Variants in NID2 observed in about 807,000 individuals in gnomAD.
NID2 encodes nidogen 2.
A neutral mutation model predicts 145.4 loss-of-function variants in NID2; 83 were observed. The ratio of observed to expected loss-of-function variants is 0.57; its 90% CI spans 0.48 to 0.69. The LOEUF (loss-of-function observed/expected upper bound fraction) is 0.69. Ranked by LOEUF, NID2 falls within the 30% of genes least tolerant of loss-of-function variation. NID2 has a pLI of 0.00. For missense variants in NID2, 1,807 were observed against 1,765.7 expected, an observed-to-expected ratio of 1.02 and a Z score of -0.42; for synonymous variants, 739 against 701.3, an observed-to-expected ratio of 1.05 and a Z score of -0.85.
Position 52,006,672 on chromosome 14 carries a change from A to T in NID2, c.3881-12T>A. 6.2e-7 allele frequency: 1 copy of T among 1,613,050 alleles called. No homozygotes were observed. On this transcript the variant is annotated splice_polypyrimidine_tract_variant and intron_variant, in intron 19 of 21. Transcript: ENST00000216286. ...CAGTTTTTTGGTTCCTTTTAAAACA[A>T]AGGGGGAAAATGAGGTCCTTCAGCT...
At chr14:52,030,585 A>ACGAACGGAAGGAAGG (rs1566755739) in intron 9 of NID2, among the ~76,000 whole-genome samples, 1 of 40,470 alleles carries the variant, frequency 2.5e-5, no homozygotes, top group Admixed American at 3.0e-4. Context: ...AGGGAAAGAA[A>ACGAACGGAAGGAAGG]GAAAGAAAGA....
intron 2 of NID2, among the ~76,000 whole-genome samples, chr14:52,062,645 T>C (rs1228824450): frequency 6.6e-6 from 1 of 152,088 alleles, no homozygotes; most frequent in Non-Finnish European, 1.5e-5. Flanking sequence ...AAATGTGAGA[T>C]AGGAGAGAAT....
chr14:52,015,998 G>A lies in NID2; in HGVS notation c.3029-723C>T, dbSNP rs77683038. Among the ~76,000 whole-genome samples, 527 of 152,306 alleles carry A rather than the reference G, an allele frequency of 3.5e-3. 7 individuals carry two copies. The East Asian group carries it at 0.042, about 12-fold the overall frequency. ...ACCCTGCGCCTGGGATTATCTCAAA[G>A]CTGAATCTTTTCCTGCAGGCTCTAG... On this transcript the variant is annotated intron_variant, in intron 14 of 21. Transcript: ENST00000216286.
chr14:52,038,269 G>T (rs935124237), intron 9 of NID2, among the ~76,000 whole-genome samples: 1 of 152,256 alleles, frequency 6.6e-6, no homozygotes, highest in East Asian at 1.9e-4. Flanking sequence ...TATGATGTTT[G>T]GTTTTTCCAG....
At chr14:52,008,491 C>A (rs968062923) in intron 18 of NID2, 1 of 152,554 alleles carries the variant, frequency 6.6e-6, no homozygotes. Flanking sequence ...TAAATGTTAT[C>A]TTACACTGCT....
At chr14:52,049,678 A>G (rs1265228109) in intron 5 of NID2, among the ~76,000 whole-genome samples, 1 of 146,002 alleles carries the variant, frequency 6.8e-6, no homozygotes, top group Non-Finnish European at 1.5e-5. Flanking sequence ...ACTTTATAAC[A>G]AACAGTGGAA....
At chr14:52,050,586 G>C (rs1892649180) in intron 5 of NID2, among the ~76,000 whole-genome samples, 1 of 151,822 alleles carries the variant, frequency 6.6e-6, no homozygotes, top group Admixed American at 6.6e-5. Flanking sequence ...TCTGTAAAAT[G>C]GGAAGGATGA....
chr14:52,007,875 T>G lies in NID2; in HGVS notation c.3815A>C (p.Asp1272Ala), dbSNP rs1890852583. The change falls in exon 19 of 22, where the codon GAC (aspartate) becomes GCC (alanine). Residue 1272 changes from aspartate to alanine, a missense_variant. Transcript: ENST00000216286. ...GENRRILINT[D>A]IGLPNGLTFD... Reference sequence around the variant, plus strand: ...GGTTAAGCCATTGGGCAATCCAATGTCTGTATTGATCAGAATTCTTCTGTT... The same window carrying G: ...GGTTAAGCCATTGGGCAATCCAATGGCTGTATTGATCAGAATTCTTCTGTT... The G allele has an allele frequency of 6.2e-7, 1 of 1,613,336 alleles. No individual in the cohort carries two copies.
At chr14:52,005,522 C>G in intron 21 of NID2, 26 bp from the exon 22 acceptor site, 1 of 1,594,858 alleles carries the variant, frequency 6.3e-7, no homozygotes, top group Non-Finnish European at 8.5e-7. Context: ...AGGGGTGGGA[C>G]AGGGTGGTGG....
intron 10 of NID2, 82 bp from the exon 11 acceptor site, chr14:52,028,932 A>G: frequency 7.1e-7 from 1 of 1,416,504 alleles, no homozygotes; most frequent in Non-Finnish European, 9.7e-7. Flanking sequence ...ATGTTTTCTC[A>G]CTAGTATGAT....
intron 1 of NID2, 59 bp from the exon 2 acceptor site, chr14:52,068,222 T>C: frequency 5.9e-6 from 9 of 1,515,706 alleles, no homozygotes; most frequent in Non-Finnish European, 8.2e-6. Flanking sequence ...CGCTACCCTT[T>C]CGCGCAGGGA....
Position 52,053,946 on chromosome 14 carries a change from A to C in NID2, c.1070-8T>G. On this transcript the variant is annotated splice_region_variant and splice_polypyrimidine_tract_variant and intron_variant, in intron 4 of 21. Coordinates refer to ENST00000216286, the MANE Select transcript of NID2 (RefSeq NM_007361.4). The stretch of plus-strand genomic sequence containing the variant: ...GATCCAAGGTGGAAGATTCTGTTTC[A>C]GGATAGAATGGCCAATAAGTAGGTG... 1 of 1,612,834 alleles carries C rather than the reference A, an allele frequency of 6.2e-7. No individual in the cohort carries two copies. The highest frequency in any genetic ancestry group is 1.1e-5 in the South Asian group (1 of 90,962).
intron 5 of NID2, among the ~76,000 whole-genome samples, chr14:52,049,417 G>T (rs1293800135): frequency 6.7e-6 from 1 of 149,408 alleles, no homozygotes; most frequent in Non-Finnish European, 1.5e-5. Flanking sequence ...CCCTTGGCCG[G>T]CCTGCCCTTC....
chr14:52,012,337 C>G (rs557965849), intron 16 of NID2, among the ~76,000 whole-genome samples: 1 of 152,206 alleles, frequency 6.6e-6, no homozygotes, highest in Non-Finnish European at 1.5e-5. Flanking sequence ...GGCACAGTGA[C>G]TCACGCCTGT....
At chr14:52,008,912 A>G (rs1890898743) in intron 18 of NID2, 1 of 152,244 alleles carries the variant, frequency 6.6e-6, no homozygotes, top group Admixed American at 6.5e-5. Flanking sequence ...CACGTTAAAA[A>G]TGAAATATAT....
intron 5 of NID2, among the ~76,000 whole-genome samples, chr14:52,051,837 C>T (rs748450733): frequency 1.3e-5 from 2 of 152,182 alleles, no homozygotes; most frequent in Non-Finnish European, 2.9e-5. Context: ...TAGTAGACTG[C>T]ATCCGGCAGC....
At chr14:52,010,619 A>G (rs1890976165) in intron 18 of NID2, 3 of 350,360 alleles carry the variant, frequency 8.6e-6, no homozygotes, top group East Asian at 4.8e-5. Context: ...TGAATTTTCT[A>G]CATATCACAT....
intron 5 of NID2, among the ~76,000 whole-genome samples, chr14:52,053,172 G>A (rs2140420660): frequency 6.6e-6 from 1 of 152,298 alleles, no homozygotes; most frequent in South Asian, 2.1e-4. Context: ...ATGTTCATCT[G>A]AGCCAGCACA....
chr14:52,006,188 ACTTAAGCCCT>A, intron 20 of NID2: 1 of 398,478 alleles, frequency 2.5e-6, no homozygotes, highest in South Asian at 2.8e-5. Context: ...TCAAAAGCCA[ACTTAAGCCCT>A]GTAATATAGC....
Sources: gnomAD v4.1 joint callset for allele counts (sites outside exome capture counted in the v4.1 genomes callset) on GRCh38, gnomAD v4.1.1 for gene constraint, MANE v1.5 for transcripts, NCBI Gene and HGNC (gene_info 2026-07-23, HGNC 2026-07-21) for gene names.